Variants in KLHL29 observed in about 807,000 individuals in gnomAD.
KLHL29 encodes kelch-like protein 29.
A neutral mutation model predicts 80.4 loss-of-function variants in KLHL29; 21 were observed. The observed-to-expected ratio is 0.26, with a 90% confidence interval of 0.19 to 0.38. The LOEUF is 0.38. Among genes scored for constraint, KLHL29 ranks in the 10% least tolerant of loss-of-function variants. The probability of loss-of-function intolerance (pLI) is 1.00; values close to 1 mark genes in which losing one functional copy is unlikely to be tolerated. For synonymous variants in KLHL29, 511 were observed against 526.8 expected (o/e 0.97, Z 0.41); for missense variants, 867 against 1,223.9 (o/e 0.71, Z 4.35).
rs138648039 is a variant in KLHL29, at chr2:23,675,852, G to A, written c.941-8547G>A. Among the ~76,000 whole-genome samples the A allele has an allele frequency of 1.7e-4, 26 of 152,326 alleles. No homozygotes were observed. The East Asian group carries it at 4.6e-3, about 27-fold the overall frequency. On this transcript the variant is annotated intron_variant, in intron 5 of 13. Transcript: ENST00000486442. ...TCTGTCCATCCGATTCCACACAACT[G>A]TGGTATTTCAAATAGTTCCAGTGGA...
intron 11 of KLHL29, among the ~76,000 whole-genome samples, chr2:23,699,602 C>T (rs1672229738): frequency 1.3e-5 from 2 of 152,222 alleles, no homozygotes; most frequent in South Asian, 4.1e-4. Flanking sequence ...TTGTCTGGCA[C>T]TCATGTTCTA....
chr2:23,485,757 C>T (rs573287020), intron 2 of KLHL29, among the ~76,000 whole-genome samples: 2 of 152,370 alleles, frequency 1.3e-5, no homozygotes, highest in South Asian at 4.1e-4. Context: ...TGCCCCTTTC[C>T]AGCTGTGCAA....
At chr2:23,420,783 A>G (rs1194716377) in intron 1 of KLHL29, among the ~76,000 whole-genome samples, 1 of 152,108 alleles carries the variant, frequency 6.6e-6, no homozygotes, top group Non-Finnish European at 1.5e-5. Flanking sequence ...GGCACTGCTG[A>G]GGCCCATCTG....
At chr2:23,396,225 C>G (rs1666449200) in intron 1 of KLHL29, among the ~76,000 whole-genome samples, 1 of 152,138 alleles carries the variant, frequency 6.6e-6, no homozygotes, top group African/African-American at 2.4e-5. Flanking sequence ...TGTTGGTGGC[C>G]ATAAGGAGGG....
At chr2:23,651,808 C>T (rs778853875) in intron 5 of KLHL29, among the ~76,000 whole-genome samples, 3 of 152,208 alleles carry the variant, frequency 2.0e-5, no homozygotes, top group East Asian at 1.9e-4. Context: ...TGCAAACAGC[C>T]GCCTTCTCAC....
At chr2:23,421,763 T>G (rs1159423660) in intron 1 of KLHL29, among the ~76,000 whole-genome samples, 2 of 150,924 alleles carry the variant, frequency 1.3e-5, no homozygotes, top group South Asian at 2.1e-4. Flanking sequence ...TGTGTGTGTG[T>G]GTGTCTGTGT....
intron 1 of KLHL29, among the ~76,000 whole-genome samples, chr2:23,420,236 A>G (rs1662759414): frequency 6.6e-6 from 1 of 152,064 alleles, no homozygotes; most frequent in Non-Finnish European, 1.5e-5. Context: ...AGAGCTGTCT[A>G]CAGCTGGAAC....
chr2:23,670,266 G>A (rs1011396155), intron 5 of KLHL29: 2 of 152,438 alleles, frequency 1.3e-5, no homozygotes, highest in Admixed American at 1.3e-4. Flanking sequence ...TGGGACGCAG[G>A]GAGACCAGGC....
At chr2:23,689,286 C>G (rs1421100813) in intron 6 of KLHL29, 4 of 152,264 alleles carry the variant, frequency 2.6e-5, no homozygotes, top group African/African-American at 9.7e-5. Context: ...GCCAGGGGTC[C>G]TCCTCAGTCT....
intron 1 of KLHL29, among the ~76,000 whole-genome samples, chr2:23,445,372 C>G (rs1663643052): frequency 6.6e-6 from 1 of 152,178 alleles, no homozygotes. Flanking sequence ...AGCATGTCCT[C>G]TATATTCTTC....
At position 23,700,126 on chromosome 2, in the gene KLHL29, G is replaced by A. The variant is rs149367957; in HGVS notation, c.2106-3060G>A. On this transcript the variant is annotated intron_variant, in intron 11 of 13. Coordinates refer to ENST00000486442, the MANE Select transcript of KLHL29 (RefSeq NM_052920.2). This position sits in a 1 kb window ranked among gnomAD's most constrained non-coding sequence, Gnocchi z 4.6. ...GAAGCCTTCCATCATCAGCACTCCC[G>A]TCTCTTTCATACACATTTAATCTTT... Among the ~76,000 whole-genome samples the A allele has an allele frequency of 1.1e-3, 169 of 152,142 alleles. No homozygotes were observed. Among genetic ancestry groups the A allele is most frequent in the African/African-American group, 3.5e-3 (146 of 41,480 alleles).
intron 1 of KLHL29, among the ~76,000 whole-genome samples, chr2:23,436,324 GTGTGTGTC>G (rs1454235951): frequency 4.7e-5 from 6 of 128,726 alleles, no homozygotes; most frequent in Non-Finnish European, 8.6e-5. Context: ...GTGTGTGTGT[GTGTGTGTC>G]TCAGCACCAG....
intron 2 of KLHL29, among the ~76,000 whole-genome samples, chr2:23,508,000 TA>T (rs1665652976): frequency 6.6e-6 from 1 of 152,194 alleles, no homozygotes; most frequent in African/African-American, 2.4e-5. Flanking sequence ...CCATAGAAGT[TA>T]GTGTTGTCCT....
intron 2 of KLHL29, among the ~76,000 whole-genome samples, chr2:23,493,008 A>C (rs866771147): frequency 1.3e-5 from 2 of 152,208 alleles, no homozygotes; most frequent in African/African-American, 4.8e-5. Context: ...CATCTGCAAC[A>C]GTGGAAATAT....
intron 1 of KLHL29, among the ~76,000 whole-genome samples, chr2:23,396,552 G>A (rs1666456489): frequency 1.3e-5 from 2 of 152,128 alleles, no homozygotes; most frequent in South Asian, 4.1e-4. Flanking sequence ...TACCTCATTT[G>A]GAAGCTGGGC....
intron 1 of KLHL29, among the ~76,000 whole-genome samples, chr2:23,451,340 T>C (rs1558343004): frequency 6.6e-6 from 1 of 152,214 alleles, no homozygotes; most frequent in Non-Finnish European, 1.5e-5. Flanking sequence ...GTTCTCATCA[T>C]CTTTCTTGTC....
At chr2:23,524,918 T>A (rs1441744028) in intron 2 of KLHL29, among the ~76,000 whole-genome samples, 1 of 152,262 alleles carries the variant, frequency 6.6e-6, no homozygotes, top group Non-Finnish European at 1.5e-5. Context: ...GTAATTTTGC[T>A]GCCTGTAATT....
At chr2:23,481,629 G>C (rs973871599) in intron 2 of KLHL29, among the ~76,000 whole-genome samples, 9 of 152,202 alleles carry the variant, frequency 5.9e-5, no homozygotes, top group Admixed American at 5.9e-4. Flanking sequence ...GAAGAGGCTG[G>C]TTTGGGCTGA....
Position 23,611,922 on chromosome 2 carries a change from GA to G in KLHL29, c.286-27208del, listed in dbSNP as rs375601165. Reference sequence around the variant, plus strand: ...GGATTATGAACTGAAAGATTGATTAGAAAAAAAAATCCACCTTAAGTAAAGA... The same window carrying G: ...GGATTATGAACTGAAAGATTGATTAGAAAAAAAATCCACCTTAAGTAAAGA... On this transcript the variant is annotated intron_variant, in intron 3 of 13. Coordinates refer to ENST00000486442, the MANE Select transcript of KLHL29 (RefSeq NM_052920.2). Among the ~76,000 whole-genome samples the G allele has an allele frequency of 8.2e-3, 1,199 of 146,926 alleles. 21 individuals carry two copies. Among genetic ancestry groups the G allele is most frequent in the African/African-American group, 0.029 (1,146 of 40,080 alleles).
Sources: gnomAD v4.1 joint callset for allele counts (sites outside exome capture counted in the v4.1 genomes callset) on GRCh38, gnomAD v4.1.1 for gene constraint, Gnocchi (gnomAD v3.1) non-coding constraint, MANE v1.5 for transcripts, NCBI Gene and HGNC (gene_info 2026-07-23, HGNC 2026-07-21) for gene names.